Variants in TADA2A observed in about 807,000 individuals in gnomAD.
TADA2A encodes the protein transcriptional adaptor 2A, also known as transcriptional adapter 2-alpha.
In TADA2A, 38 loss-of-function variants were observed where a neutral mutation model predicts 67.4. That is an observed-to-expected ratio of 0.56 (90% CI 0.44 to 0.74). The LOEUF is 0.74. TADA2A is among the 30% of genes least tolerant of loss of function. The pLI is 0.00. For missense variants in TADA2A, 454 were observed against 547.0 expected, an observed-to-expected ratio of 0.83 and a Z score of 1.70; for synonymous variants, 192 against 181.6, an observed-to-expected ratio of 1.06 and a Z score of -0.46.
At chr17:37,435,729 G>A (rs913804169) in intron 4 of TADA2A, among the ~76,000 whole-genome samples, 1 of 152,062 alleles carries the variant, frequency 6.6e-6, no homozygotes, top group Non-Finnish European at 1.5e-5. Context: ...ACAGGTGCGC[G>A]CCACCATGCC....
chr17:37,471,255 A>T (rs1392677922), intron 14 of TADA2A, 118 bp downstream of exon 14: 4 of 1,008,170 alleles, frequency 4.0e-6, no homozygotes, highest in Non-Finnish European at 6.1e-6. Context: ...GAGTAACAGT[A>T]ATCAAGTGTT....
At chr17:37,451,081 C>G (rs906522546) in intron 8 of TADA2A, among the ~76,000 whole-genome samples, 1 of 151,896 alleles carries the variant, frequency 6.6e-6, no homozygotes, top group Admixed American at 6.6e-5. Context: ...GGATGGAATG[C>G]AGTGGTACAA....
chr17:37,454,765 G>C (rs937400339), intron 8 of TADA2A: 1 of 298,576 alleles, frequency 3.3e-6, no homozygotes, highest in Non-Finnish European at 7.0e-6. Flanking sequence ...AGAGGAATGA[G>C]AAACATGAAG....
intron 1 of TADA2A, chr17:37,408,056 T>C (rs2051685151): frequency 6.6e-6 from 1 of 151,748 alleles, no homozygotes. Flanking sequence ...CTGGCTATTT[T>C]TTGTATTTTT....
At chr17:37,433,843 G>A (rs2052643875) in intron 4 of TADA2A, among the ~76,000 whole-genome samples, 1 of 151,682 alleles carries the variant, frequency 6.6e-6, no homozygotes, top group Non-Finnish European at 1.5e-5. Context: ...AATTCCAGAT[G>A]TTCTGGAGGC....
At chr17:37,435,656 T>C (rs1357251946) in intron 4 of TADA2A, among the ~76,000 whole-genome samples, 1 of 151,188 alleles carries the variant, frequency 6.6e-6, no homozygotes. Flanking sequence ...CTCAACTCAC[T>C]GCAGACTCTA....
At chr17:37,474,515 A>G (rs746568320) in intron 14 of TADA2A, 41 bp from the exon 15 acceptor site, 2 of 1,591,326 alleles carry the variant, frequency 1.3e-6, no homozygotes. Flanking sequence ...AGAAATTGTC[A>G]CTCCTATTAA....
At chr17:37,457,675 T>A (rs1294221443) in intron 8 of TADA2A, among the ~76,000 whole-genome samples, 1 of 151,488 alleles carries the variant, frequency 6.6e-6, no homozygotes, top group Non-Finnish European at 1.5e-5. Flanking sequence ...TTTTGTATTT[T>A]TATAGAGATG....
In TADA2A at chr17:37,465,520, A is replaced by C. The variant is rs754488351; in HGVS notation, c.802A>C (p.Lys268Gln). 1.7e-5 allele frequency: 28 copies of C among 1,614,078 alleles called. No individual in the cohort carries two copies. The highest frequency in any genetic ancestry group is 2.4e-5 in the Non-Finnish European group (28 of 1,180,052). ...ARIVGPVEHD[K>Q]FIESHALEFE... The stretch of plus-strand genomic sequence containing the variant: ...AATTGTGGGGCCAGTGGAACATGAC[A>C]AATTCATTGAAAGCCATGCATGTAG... Residue 268 changes from lysine to glutamine, a missense_variant, in exon 11 of 16, where the codon AAA becomes CAA. This residue lies in a region of TADA2A where 403 missense variants were observed against 455.5 expected (regional missense o/e 0.88). Coordinates refer to ENST00000615182, the MANE Select transcript of TADA2A (RefSeq NM_001166105.3).
intron 9 of TADA2A, among the ~76,000 whole-genome samples, chr17:37,460,469 T>C (rs1405166010): frequency 6.6e-6 from 1 of 152,130 alleles, no homozygotes; most frequent in Non-Finnish European, 1.5e-5. Flanking sequence ...GGTCTCAAAC[T>C]CCAGGCCTCA....
At chr17:37,427,360 G>A (rs1053459285) in intron 4 of TADA2A, among the ~76,000 whole-genome samples, 1 of 152,180 alleles carries the variant, frequency 6.6e-6, no homozygotes, top group African/African-American at 2.4e-5. Flanking sequence ...TTGTCACTGT[G>A]TGCTCATGGT....
intron 1 of TADA2A, among the ~76,000 whole-genome samples, chr17:37,410,728 TC>T (rs2051839389): frequency 6.6e-6 from 1 of 152,200 alleles, no homozygotes; most frequent in East Asian, 1.9e-4. Context: ...CTGCCTTCTG[TC>T]CTTTCATGTC....
At chr17:37,441,698 G>A (rs947948283) in intron 6 of TADA2A, among the ~76,000 whole-genome samples, 18 of 141,984 alleles carry the variant, frequency 1.3e-4, no homozygotes, top group East Asian at 4.1e-4. Flanking sequence ...ACAGAGTCTC[G>A]CTGTGTCTCC....
chr17:37,435,583 C>T (rs901948152), intron 4 of TADA2A, among the ~76,000 whole-genome samples: 5 of 151,594 alleles, frequency 3.3e-5, no homozygotes, highest in South Asian at 2.1e-4. Flanking sequence ...CCACTGTGCC[C>T]GGCCTGTTTT....
At chr17:37,423,447 T>G in intron 2 of TADA2A, 62 bp from the exon 3 acceptor site, 1 of 1,311,966 alleles carries the variant, frequency 7.6e-7, no homozygotes, top group Non-Finnish European at 1.1e-6. Context: ...ATTTTCACCT[T>G]TTTGCACTTA....
At chr17:37,425,432 G>A (rs1445699616) in intron 3 of TADA2A, among the ~76,000 whole-genome samples, 1 of 152,102 alleles carries the variant, frequency 6.6e-6, no homozygotes, top group African/African-American at 2.4e-5. Flanking sequence ...ATCCTATGAA[G>A]TACCTATGAT....
chr17:37,417,207 C>A (rs946924632), intron 2 of TADA2A, among the ~76,000 whole-genome samples: 1 of 151,748 alleles, frequency 6.6e-6, no homozygotes. Context: ...TGGTGAAACC[C>A]CGCCTCTACT....
intron 2 of TADA2A, among the ~76,000 whole-genome samples, chr17:37,417,644 C>T (rs767968553): frequency 6.6e-6 from 1 of 151,904 alleles, no homozygotes; most frequent in Non-Finnish European, 1.5e-5. Context: ...AAGTGATTCT[C>T]ATGCCACAGC....
Position 37,474,635 on chromosome 17 carries a change from A to G in TADA2A, c.1146+6A>G. Reference sequence around the variant, plus strand: ...TGAATGAAAAAGAAAAGGAGGTAACAAAAGGGAGGGGGCTGGGAGAAAGAG... The same window carrying G: ...TGAATGAAAAAGAAAAGGAGGTAACGAAAGGGAGGGGGCTGGGAGAAAGAG... On this transcript the variant is annotated splice_donor_region_variant and intron_variant, in intron 15 of 15. Coordinates refer to ENST00000615182, the MANE Select transcript of TADA2A (RefSeq NM_001166105.3). 6.2e-7 allele frequency: 1 copy of G among 1,609,530 alleles called. No individual in the cohort carries two copies. Among genetic ancestry groups the G allele is most frequent in the Non-Finnish European group, 8.5e-7 (1 of 1,177,564 alleles).
Sources: gnomAD v4.1 joint callset for allele counts (sites outside exome capture counted in the v4.1 genomes callset) on GRCh38, gnomAD v4.1.1 for gene constraint, gnomAD v4.1.1 regional missense constraint, MANE v1.5 for transcripts, NCBI Gene and HGNC (gene_info 2026-07-23, HGNC 2026-07-21) for gene names.